Variants in GALNT14 observed in about 807,000 individuals in gnomAD.
The protein encoded by GALNT14 is UDP-GalNAc:polypeptide N-acetylgalactosaminyltransferase 14.
GALNT14 carries 60 observed loss-of-function variants against 77.5 expected under a neutral mutation model. That is an observed-to-expected ratio of 0.77 (90% CI 0.63 to 0.96). The LOEUF is 0.96. Ranked by LOEUF, GALNT14 falls within the 40% of genes least tolerant of loss-of-function variation. The pLI is 0.00. For missense variants in GALNT14, 710 were observed against 731.0 expected, an observed-to-expected ratio of 0.97 and a Z score of 0.33; for synonymous variants, 280 against 281.7, an observed-to-expected ratio of 0.99 and a Z score of 0.06.
In GALNT14 at chr2:30,932,169, G is replaced by A. The variant is rs369811254; in HGVS notation, c.957C>T (p.Cys319=). Residue 319 remains cysteine (C), a synonymous_variant, in exon 10 of 15, where the codon TGC becomes TGT. Coordinates refer to ENST00000349752, the MANE Select transcript of GALNT14 (RefSeq NM_024572.4). ...AGGGGACGATCTCTAGGCTGCCCCC[G>A]CACATCCACACTCGGAAGGAGATTT... ...NFEISFRVWM[C]GGSLEIVPCS... The A allele has an allele frequency of 3.2e-5, 49 of 1,536,972 alleles. No homozygotes were observed. The highest frequency in any genetic ancestry group is 1.7e-4 in the African/African-American group (12 of 71,268).
In GALNT14 at chr2:31,025,031, TAGTTATTAAGTTATTAAGACAGTTA is replaced by T. The variant is rs539124961; in HGVS notation, c.130-32049_130-32025del. Among the ~76,000 whole-genome samples, 292 of 152,298 alleles carry T rather than the reference TAGTTATTAAGTTATTAAGACAGTTA, an allele frequency of 1.9e-3. 2 individuals are homozygous for T. The East Asian group carries it at 0.045, about 24-fold the overall frequency. On this transcript the variant is annotated intron_variant, in intron 1 of 14. Coordinates refer to ENST00000349752, the MANE Select transcript of GALNT14 (RefSeq NM_024572.4). ...CATCTCTTTGGGCCAACTTCCTACATAGTTATTAAGTTATTAAGACAGTTAAGTTATTAAGTTATAATAGTTATTA... is the reference window on the plus strand; with the variant it reads ...CATCTCTTTGGGCCAACTTCCTACATAGTTATTAAGTTATAATAGTTATTA...
At chr2:30,991,246 T>C (rs1026436059) in intron 2 of GALNT14, 4 of 151,888 alleles carry the variant, frequency 2.6e-5, no homozygotes, top group South Asian at 2.1e-4. Flanking sequence ...AGAACTCCCT[T>C]TGTCCCTCAA....
At chr2:30,919,405 G>A (rs1664894861) in intron 13 of GALNT14, among the ~76,000 whole-genome samples, 1 of 152,186 alleles carries the variant, frequency 6.6e-6, no homozygotes, top group East Asian at 1.9e-4. Context: ...GCCAGTGTCA[G>A]AACCAGAGGA....
chr2:30,981,322 T>C (rs1464843971), intron 2 of GALNT14, among the ~76,000 whole-genome samples: 1 of 152,220 alleles, frequency 6.6e-6, no homozygotes, highest in East Asian at 1.9e-4. Flanking sequence ...AGCTCCTTAT[T>C]CTAGACTGAA....
intron 14 of GALNT14, among the ~76,000 whole-genome samples, chr2:30,911,379 C>G (rs911868646): frequency 2.6e-5 from 4 of 152,158 alleles, no homozygotes; most frequent in African/African-American, 9.7e-5. Flanking sequence ...ACGATCCACA[C>G]TCAGCATCTG....
chr2:30,976,332 A>ATTTC (rs1324084944), intron 2 of GALNT14, among the ~76,000 whole-genome samples: 1 of 152,242 alleles, frequency 6.6e-6, no homozygotes, highest in African/African-American at 2.4e-5. Context: ...CTCTGGCTGC[A>ATTTC]TTTAAAGACC....
chr2:31,117,092 A>G (rs1678143409), intron 1 of GALNT14, among the ~76,000 whole-genome samples: 1 of 152,198 alleles, frequency 6.6e-6, no homozygotes, highest in African/African-American at 2.4e-5. Flanking sequence ...ATATGTCCAA[A>G]AGACACTTTA....
intron 14 of GALNT14, among the ~76,000 whole-genome samples, chr2:30,911,480 C>T (rs1452217228): frequency 2.0e-5 from 3 of 152,072 alleles, no homozygotes; most frequent in Non-Finnish European, 4.4e-5. Context: ...CAGCACACGA[C>T]GGGCCAGAGC....
intron 1 of GALNT14, among the ~76,000 whole-genome samples, chr2:31,110,542 G>A (rs1237484567): frequency 6.6e-6 from 1 of 152,180 alleles, no homozygotes; most frequent in African/African-American, 2.4e-5. Context: ...GCCACTTAGA[G>A]CACTAGGGAA....
intron 13 of GALNT14, among the ~76,000 whole-genome samples, chr2:30,917,122 C>T (rs367894098): frequency 2.8e-4 from 39 of 141,402 alleles, no homozygotes; most frequent in Admixed American, 1.0e-3. Flanking sequence ...GGAGTGAGGA[C>T]GAGCCTGGGC....
At chr2:30,951,348 T>A (rs1029454158) in intron 6 of GALNT14, among the ~76,000 whole-genome samples, 3 of 152,194 alleles carry the variant, frequency 2.0e-5, no homozygotes, top group African/African-American at 7.2e-5. Context: ...GGCCACATGT[T>A]GTGTGATTCC....
intron 1 of GALNT14, among the ~76,000 whole-genome samples, chr2:31,002,625 T>C (rs1038022523): frequency 2.6e-5 from 4 of 152,224 alleles, no homozygotes; most frequent in African/African-American, 9.6e-5. Context: ...GGAGTGACTA[T>C]ATTTTTCCAA....
intron 1 of GALNT14, among the ~76,000 whole-genome samples, chr2:31,029,859 T>C (rs1405917917): frequency 1.3e-5 from 2 of 152,240 alleles, no homozygotes; most frequent in African/African-American, 4.8e-5. Context: ...GTATATTTGT[T>C]ACAACAGATT....
chr2:31,120,848 G>A (rs931143853), intron 1 of GALNT14, among the ~76,000 whole-genome samples: 7 of 152,202 alleles, frequency 4.6e-5, no homozygotes, highest in African/African-American at 9.6e-5. Context: ...GAGCCACCAC[G>A]CCCAGCCATG....
chr2:30,914,730 A>C (rs1432239432), intron 13 of GALNT14, among the ~76,000 whole-genome samples: 2 of 152,172 alleles, frequency 1.3e-5, no homozygotes, highest in East Asian at 3.8e-4. Flanking sequence ...GGACCTGGGG[A>C]TGTGTACTAG....
intron 2 of GALNT14, among the ~76,000 whole-genome samples, chr2:30,970,512 C>T (rs765672519): frequency 6.6e-6 from 1 of 152,108 alleles, no homozygotes; most frequent in African/African-American, 2.4e-5. Context: ...GTGGGTGAGC[C>T]GGCCCGCACG....
intron 1 of GALNT14, chr2:31,132,679 C>G (rs1311601566): frequency 2.1e-6 from 1 of 470,554 alleles, no homozygotes; most frequent in Non-Finnish European, 4.4e-6. Flanking sequence ...TTGTTCAATC[C>G]TGGGTGTAGG....
intron 12 of GALNT14, 71 bp from the exon 13 acceptor site, chr2:30,924,334 G>C (rs930630211): frequency 9.8e-6 from 15 of 1,527,390 alleles, no homozygotes; most frequent in Non-Finnish European, 1.4e-5. Context: ...AGCTGGAGAG[G>C]GTGGGCAGTG....
intron 1 of GALNT14, among the ~76,000 whole-genome samples, chr2:31,099,856 CTATTTT>C (rs1248345116): frequency 7.3e-5 from 11 of 151,666 alleles, no homozygotes; most frequent in African/African-American, 2.7e-4. Flanking sequence ...CAGAATTTTT[CTATTTT>C]TATTTACCTT....
Sources: gnomAD v4.1 joint callset for allele counts (sites outside exome capture counted in the v4.1 genomes callset) on GRCh38, gnomAD v4.1.1 for gene constraint, MANE v1.5 for transcripts, NCBI Gene and HGNC (gene_info 2026-07-23, HGNC 2026-07-21) for gene names.